Variants in NHEJ1 observed in about 807,000 individuals in gnomAD.
NHEJ1 encodes the protein non-homologous end joining factor 1.
NHEJ1 carries 22 observed loss-of-function variants against 39.4 expected under a neutral mutation model. The ratio of observed to expected loss-of-function variants is 0.56; its 90% CI spans 0.40 to 0.80. The LOEUF is 0.80. Ranked by LOEUF, NHEJ1 falls within the 30% of genes least tolerant of loss-of-function variation. NHEJ1 has a pLI of 0.00. For synonymous variants in NHEJ1, 154 were observed against 135.6 expected, an observed-to-expected ratio of 1.14 and a Z score of -0.94; for missense variants, 329 against 357.1, an observed-to-expected ratio of 0.92 and a Z score of 0.63.
intron 5 of NHEJ1, chr2:219,095,450 C>A: frequency 2.4e-6 from 1 of 423,494 alleles, no homozygotes; most frequent in South Asian, 1.7e-5. Flanking sequence ...TGATATTGTA[C>A]AATGCTTTAA....
At position 219,157,601 on chromosome 2, in the gene NHEJ1, A is replaced by G. The variant is rs777330172; in HGVS notation, c.261T>C (p.Ala87=). Residue 87 remains alanine, a synonymous_variant, in exon 3 of 8, where the codon GCT becomes GCC. Transcript: ENST00000356853. ...DNLLRPLLKD[A]AHPSEATFSC... The stretch of plus-strand genomic sequence containing the variant: ...AGAAGGTAGCTTCGCTAGGGTGAGC[A>G]GCGTCCTTCAACAATGGGCGAAGGA... 4 of 1,614,098 alleles carry G rather than the reference A, an allele frequency of 2.5e-6. No homozygotes were observed. In the African/African-American group the frequency reaches 5.3e-5, roughly 22 times the overall value.
intron 3 of NHEJ1, among the ~76,000 whole-genome samples, chr2:219,149,177 C>T (rs939048885): frequency 6.6e-6 from 1 of 152,104 alleles, no homozygotes; most frequent in Non-Finnish European, 1.5e-5. Flanking sequence ...AGCCACCGTG[C>T]CCAGCCCACA....
chr2:219,112,201 T>C (rs1433301088), intron 5 of NHEJ1, among the ~76,000 whole-genome samples: 1 of 152,128 alleles, frequency 6.6e-6, no homozygotes, highest in Non-Finnish European at 1.5e-5. Flanking sequence ...AGTCATAAGG[T>C]AGAAGACCAG....
intron 5 of NHEJ1, among the ~76,000 whole-genome samples, chr2:219,096,350 C>T (rs894511572): frequency 6.6e-5 from 10 of 152,092 alleles, no homozygotes; most frequent in South Asian, 2.1e-4. Flanking sequence ...ATTTTTGCTC[C>T]GCAATCATGC....
At chr2:219,098,830 G>C (rs1377117648) in intron 5 of NHEJ1, among the ~76,000 whole-genome samples, 1 of 152,178 alleles carries the variant, frequency 6.6e-6, no homozygotes, top group African/African-American at 2.4e-5. Context: ...AAACTAGTCA[G>C]CATGGTTTTA....
At chr2:219,100,287 G>C (rs562518510) in intron 5 of NHEJ1, among the ~76,000 whole-genome samples, 1 of 152,264 alleles carries the variant, frequency 6.6e-6, no homozygotes, top group East Asian at 1.9e-4. Context: ...CGAAGGTCCA[G>C]GAGCTAAGGA....
At chr2:219,080,553 ATAT>A in intron 5 of NHEJ1, among the ~76,000 whole-genome samples, 1 of 113,952 alleles carries the variant, frequency 8.8e-6, no homozygotes, top group South Asian at 2.7e-4. Context: ...AAATAAAAAT[ATAT>A]ATATATATAT....
intron 5 of NHEJ1, among the ~76,000 whole-genome samples, chr2:219,145,418 G>A (rs559326490): frequency 4.7e-4 from 71 of 152,268 alleles, no homozygotes; most frequent in Non-Finnish European, 4.1e-4. Context: ...GGCAGAACAG[G>A]AGGTTCCAAA....
intron 5 of NHEJ1, among the ~76,000 whole-genome samples, chr2:219,087,837 T>C (rs976956457): frequency 3.3e-5 from 5 of 152,200 alleles, no homozygotes; most frequent in South Asian, 2.1e-4. Context: ...AAGCAAGCTA[T>C]AATGTAGGAG....
At position 219,118,905 on chromosome 2, in the gene NHEJ1, G is replaced by A. The variant is rs116953756; in HGVS notation, c.588+27775C>T. Among the ~76,000 whole-genome samples, 28 of 152,258 alleles carry A rather than the reference G, an allele frequency of 1.8e-4. No homozygotes were observed. The East Asian group carries it at 5.2e-3, about 28-fold the overall frequency. On this transcript the variant is annotated intron_variant, in intron 5 of 7. Transcript: ENST00000356853. Reference sequence around the variant, plus strand: ...TGGCGGCTGGTGGGAGCTGGGGCCCGCTCCAGCACACAGACAGATGCTAAA... The same window carrying A: ...TGGCGGCTGGTGGGAGCTGGGGCCCACTCCAGCACACAGACAGATGCTAAA...
intron 5 of NHEJ1, among the ~76,000 whole-genome samples, chr2:219,114,300 A>G (rs1949391174): frequency 6.6e-6 from 1 of 152,160 alleles, no homozygotes; most frequent in Admixed American, 6.5e-5. Context: ...GCAAAATGCA[A>G]CCCCACAGAG....
rs1187535064 is a variant in NHEJ1, at chr2:219,070,226, G to A, written c.*6155C>T. ...TTTTGAGATGGAGTCTTGCTCTGTC[G>A]CCCAGGGTGGAGTGCAGTGGCACGA... On this transcript the variant is annotated 3_prime_UTR_variant, in exon 8 of 8. Transcript: ENST00000356853. Among the ~76,000 whole-genome samples, 4 of 151,944 alleles carry A rather than the reference G, an allele frequency of 2.6e-5. No homozygotes were observed. Among genetic ancestry groups the A allele is most frequent in the African/African-American group, 9.7e-5 (4 of 41,366 alleles).
At chr2:219,159,513 T>TTATATATATATGCATATATATATATGCA (rs1553549752) in intron 1 of NHEJ1, among the ~76,000 whole-genome samples, 1 of 90,090 alleles carries the variant, frequency 1.1e-5, no homozygotes, top group African/African-American at 4.4e-5. Flanking sequence ...TGACATAACT[T>TTATATATATATGCATATATATATATGCA]TATATATATA....
chr2:219,156,535 G>A (rs909143289), intron 3 of NHEJ1, among the ~76,000 whole-genome samples: 1 of 152,156 alleles, frequency 6.6e-6, no homozygotes, highest in Non-Finnish European at 1.5e-5. Flanking sequence ...AAAATCTCCT[G>A]GGAAATATAA....
chr2:219,080,651 G>T (rs1416618426), intron 5 of NHEJ1, among the ~76,000 whole-genome samples: 2 of 108,358 alleles, frequency 1.8e-5, no homozygotes, highest in Non-Finnish European at 3.6e-5. Context: ...TTATATATAT[G>T]CTAATATATA....
intron 5 of NHEJ1, among the ~76,000 whole-genome samples, chr2:219,122,513 T>C (rs1323077519): frequency 5.9e-5 from 9 of 152,136 alleles, no homozygotes; most frequent in African/African-American, 2.2e-4. Context: ...CTAAACCCAG[T>C]GGTATTCAAT....
chr2:219,143,670 G>A (rs1043393354), intron 5 of NHEJ1, among the ~76,000 whole-genome samples: 6 of 152,032 alleles, frequency 3.9e-5, no homozygotes, highest in African/African-American at 1.5e-4. Context: ...AGTCTATGAG[G>A]TTGATCCACC....
chr2:219,077,147 G>A, intron 7 of NHEJ1, 99 bp downstream of exon 7: 1 of 866,844 alleles, frequency 1.2e-6, no homozygotes, highest in Non-Finnish European at 2.0e-6. Context: ...CAATATTTTT[G>A]AGGCAGTGCC....
At chr2:219,147,607 T>A in intron 4 of NHEJ1, 50 bp downstream of exon 4, 1 of 1,613,200 alleles carries the variant, frequency 6.2e-7, no homozygotes, top group Non-Finnish European at 8.5e-7. Context: ...TAAGACCCTT[T>A]GACTATTTTT....
Sources: gnomAD v4.1 joint callset for allele counts (sites outside exome capture counted in the v4.1 genomes callset) on GRCh38, gnomAD v4.1.1 for gene constraint, MANE v1.5 for transcripts, NCBI Gene and HGNC (gene_info 2026-07-23, HGNC 2026-07-21) for gene names.